The following CASZ1 variants were observed in gnomAD, a reference collection of about 807,000 sequenced individuals.
CASZ1 encodes the protein castor zinc finger 1.
A neutral mutation model predicts 135.2 loss-of-function variants in CASZ1; 28 were observed. That is an observed-to-expected ratio of 0.21 (90% confidence interval 0.15 to 0.28). The LOEUF (loss-of-function observed/expected upper bound fraction) is 0.28. CASZ1 is among the 10% of genes least tolerant of loss of function. The probability of loss-of-function intolerance (pLI) is 1.00; values close to 1 mark genes in which losing one functional copy is unlikely to be tolerated. For missense variants in CASZ1, 2,161 were observed against 2,453.3 expected (o/e 0.88, Z 2.52); for synonymous variants, 1,068 against 1,073.4 (o/e 0.99, Z 0.10).
chr1:10,661,688 T>G (rs989461811), intron 5 of CASZ1, among the ~76,000 whole-genome samples: 1 of 149,776 alleles, frequency 6.7e-6, no homozygotes, highest in African/African-American at 2.5e-5. Context: ...AACACACACA[T>G]GCATTCTCAA....
chr1:10,722,387 G>A (rs1639514855), intron 2 of CASZ1, among the ~76,000 whole-genome samples: 1 of 152,244 alleles, frequency 6.6e-6, no homozygotes, highest in Admixed American at 6.5e-5. Context: ...GGCAGAAAAA[G>A]ATTCCCTAAA....
intron 1 of CASZ1, among the ~76,000 whole-genome samples, chr1:10,786,642 A>G (rs764228640): frequency 2.0e-5 from 3 of 152,190 alleles, no homozygotes; most frequent in Non-Finnish European, 4.4e-5. Flanking sequence ...TATTATGCCC[A>G]TTTCATAGAT....
intron 2 of CASZ1, among the ~76,000 whole-genome samples, chr1:10,710,368 C>T (rs542127751): frequency 2.0e-4 from 30 of 152,264 alleles, no homozygotes; most frequent in African/African-American, 7.2e-4. Context: ...AAGCTGGCCT[C>T]CCCACCCCTC....
rs1467203439 is a variant in CASZ1, at chr1:10,670,744, A to G, written c.17-5173T>C. Reference sequence around the variant, plus strand: ...GGTCTGGAGGCCAGCAAGGGCCAGGAAGGGCCCAGGCATCTACCCCTCCTC... The same window carrying G: ...GGTCTGGAGGCCAGCAAGGGCCAGGGAGGGCCCAGGCATCTACCCCTCCTC... On this transcript the variant is annotated intron_variant, in intron 4 of 20. Transcript: ENST00000377022. Among the ~76,000 whole-genome samples the G allele has an allele frequency of 1.5e-4, 23 of 152,166 alleles. 1 individual carries two copies. Among genetic ancestry groups the G allele is most frequent in the Admixed American group, 1.5e-3 (23 of 15,284 alleles).
At chr1:10,785,212 CTTA>C (rs1640839274) in intron 1 of CASZ1, among the ~76,000 whole-genome samples, 2 of 99,190 alleles carry the variant, frequency 2.0e-5, no homozygotes, top group Non-Finnish European at 4.5e-5. Context: ...TTCTCTTTTC[CTTA>C]TCCTTATCTT....
intron 2 of CASZ1, among the ~76,000 whole-genome samples, chr1:10,736,341 G>C (rs541431344): frequency 6.4e-4 from 97 of 152,350 alleles, no homozygotes; most frequent in Middle Eastern, 3.4e-3. Context: ...AAAGGGATCA[G>C]CAGGCAACGA....
At chr1:10,783,922 T>C (rs1640809550) in intron 1 of CASZ1, among the ~76,000 whole-genome samples, 1 of 139,986 alleles carries the variant, frequency 7.1e-6, no homozygotes, top group Non-Finnish European at 1.5e-5. Flanking sequence ...AAGATAACAA[T>C]GGTGGTCCCC....
intron 4 of CASZ1, among the ~76,000 whole-genome samples, chr1:10,667,042 C>T (rs1027134288): frequency 6.6e-6 from 1 of 152,224 alleles, no homozygotes; most frequent in East Asian, 1.9e-4. Context: ...CAGGGCCCCC[C>T]GGCTCCATGG....
Position 10,682,313 on chromosome 1 carries a change from G to C in CASZ1, c.16+11561C>G, listed in dbSNP as rs568845518. ...CCGGGACGGGGAGAAGGGGCAACGG[G>C]AAATATCACCGTGAAGTGGGAGAGG... On this transcript the variant is annotated intron_variant, in intron 4 of 20. Coordinates refer to ENST00000377022, the MANE Select transcript of CASZ1 (RefSeq NM_001079843.3). 5.2e-4 allele frequency among the ~76,000 whole-genome samples: 79 copies of C among 152,246 alleles called. No homozygotes were observed. The South Asian group carries it at 0.01, about 20-fold the overall frequency.
At chr1:10,652,410 G>C (rs1642624478) in intron 11 of CASZ1, 1 of 152,300 alleles carries the variant, frequency 6.6e-6, no homozygotes, top group African/African-American at 2.4e-5. Flanking sequence ...CCAGCACCCG[G>C]CTTGGAGCCT....
Position 10,760,071 on chromosome 1 carries a change from G to A in CASZ1, c.-77+630C>T, listed in dbSNP as rs754615459. 4.6e-5 allele frequency among the ~76,000 whole-genome samples: 7 copies of A among 152,304 alleles called. 3 individuals carry two copies. The highest frequency in any genetic ancestry group is 4.6e-4 in the Admixed American group (7 of 15,302). On this transcript the variant is annotated intron_variant, in intron 2 of 20. Coordinates refer to ENST00000377022, the MANE Select transcript of CASZ1 (RefSeq NM_001079843.3). ...CACAGACTACCCCTCCCTGGCATGA[G>A]TGACCTGCCTTACGCAAAGGGCTAT...
At chr1:10,780,444 C>T (rs993498471) in intron 1 of CASZ1, among the ~76,000 whole-genome samples, 5 of 152,168 alleles carry the variant, frequency 3.3e-5, no homozygotes, top group Non-Finnish European at 7.4e-5. Context: ...AACCAGGTTT[C>T]CATTTTGCCA....
intron 1 of CASZ1, among the ~76,000 whole-genome samples, chr1:10,780,904 C>T (rs1036212726): frequency 5.9e-5 from 9 of 152,266 alleles, no homozygotes; most frequent in African/African-American, 1.4e-4. Context: ...AGAGTCACAG[C>T]GCAGCATCTG....
chr1:10,753,671 G>T (rs1640190661), intron 2 of CASZ1, among the ~76,000 whole-genome samples: 1 of 152,184 alleles, frequency 6.6e-6, no homozygotes, highest in East Asian at 1.9e-4. Flanking sequence ...AAGGACCGGG[G>T]AAAGGAGGCC....
In CASZ1 at chr1:10,640,007, G is replaced by A. The variant is rs1444922780; in HGVS notation, c.4215C>T (p.Ile1405=). The change falls in exon 21 of 21, where the codon ATC becomes ATT. Residue 1405 remains isoleucine (I), a synonymous_variant. Coordinates refer to ENST00000377022, the MANE Select transcript of CASZ1 (RefSeq NM_001079843.3). The part of the protein sequence containing the change: ...TASGAKKRFW[I]IEDMSPFGKR... ...TGCCGAAGGGCGACATGTCCTCGATGATCCAGAAGCGCTTTTTGGCCCCCG... is the reference window on the plus strand; with the variant it reads ...TGCCGAAGGGCGACATGTCCTCGATAATCCAGAAGCGCTTTTTGGCCCCCG... 1.2e-6 allele frequency: 2 copies of A among 1,612,132 alleles called. No homozygotes were observed. Among genetic ancestry groups the A allele is most frequent in the South Asian group, 2.2e-5 (2 of 91,090 alleles).
Position 10,647,822 on chromosome 1 carries a change from C to G in CASZ1, c.3476G>C (p.Gly1159Ala). The change falls in exon 16 of 21, where the codon GGA becomes GCA. Residue 1159 changes from glycine (G) to alanine (A), a missense_variant. By Grantham distance (60) the Gly-to-Ala change is moderately conservative. Around this residue, in one of 7 missense-constraint regions of CASZ1, gnomAD observed 349 missense variants for 460.8 expected, o/e 0.76. Transcript: ENST00000377022. The surrounding 1 kb of genome is among the most constrained non-coding windows in gnomAD (Gnocchi z 4.9). ...TCACTTCTCCTGGAACTGGAGGAAT[C>G]CGGGTTTGACCTGGGGCTTGGCGTT... ...LENAKPQVKPGFLQFQENDPC... is the reference protein window; with the variant it reads ...LENAKPQVKPAFLQFQENDPC... 2.5e-6 allele frequency: 4 copies of G among 1,613,786 alleles called. No homozygotes were observed. Among genetic ancestry groups the G allele is most frequent in the Non-Finnish European group, 3.4e-6 (4 of 1,180,012 alleles).
In CASZ1 at chr1:10,735,846, C is replaced by G. The variant is rs2100518317; in HGVS notation, c.-77+24855G>C. Among the ~76,000 whole-genome samples, 1 of 152,290 alleles carries G rather than the reference C, an allele frequency of 6.6e-6. No homozygotes were observed. The highest frequency in any genetic ancestry group is 1.5e-5 in the Non-Finnish European group (1 of 68,024). On this transcript the variant is annotated intron_variant, in intron 2 of 20. Coordinates refer to ENST00000377022, the MANE Select transcript of CASZ1 (RefSeq NM_001079843.3). The surrounding 1 kb of genome is among the most constrained non-coding windows in gnomAD (Gnocchi z 5.1). ...TGTAGGTAGTCAGGGAGCCCAGAGG[C>G]AGTGGCTTAGGATCAGGGGCAGCCC... is the stretch of plus-strand genomic sequence containing the variant.
chr1:10,762,210 G>A lies in CASZ1; in HGVS notation c.-233-1353C>T, dbSNP rs554882635. Among the ~76,000 whole-genome samples, 23 of 152,078 alleles carry A rather than the reference G, an allele frequency of 1.5e-4. No homozygotes were observed. Among genetic ancestry groups the A allele is most frequent in the African/African-American group, 3.6e-4 (15 of 41,466 alleles). On this transcript the variant is annotated intron_variant, in intron 1 of 20. Transcript: ENST00000377022. The surrounding 1 kb of genome is among the most constrained non-coding windows in gnomAD (Gnocchi z 4.1). ...CTACCTCGGCTGGGGCAATGCCACC[G>A]AGACCAGCTCCCTGGGGGAGGCCAT...
Position 10,649,378 on chromosome 1 carries a change from C to T in CASZ1, c.2940G>A (p.Gly980=). Residue 980 remains glycine (G), a synonymous_variant, in exon 14 of 21, where the codon GGG becomes GGA. Coordinates refer to ENST00000377022, the MANE Select transcript of CASZ1 (RefSeq NM_001079843.3). ...SLLNIKAEAE[G]SPAAEPSPFL... ...AGGGCGAGGGCTCCGCAGCGGGGCT[C>T]CCCTCCGCTTCCGCCTTGATGTTCA... The T allele has an allele frequency of 6.2e-7, 1 of 1,608,218 alleles. No homozygotes were observed. The highest frequency in any genetic ancestry group is 8.5e-7 in the Non-Finnish European group (1 of 1,177,848).
Sources: allele counts gnomAD v4.1 joint callset (sites outside exome capture counted in the v4.1 genomes callset), GRCh38; gene constraint gnomAD v4.1.1; regional missense constraint gnomAD v4.1.1; non-coding constraint Gnocchi (gnomAD v3.1); transcripts MANE v1.5; gene names NCBI Gene and HGNC (gene_info 2026-07-23, HGNC 2026-07-21).